The following RIMS2 variants were observed in gnomAD, a reference collection of about 807,000 sequenced individuals.
The protein encoded by RIMS2 is regulating synaptic membrane exocytosis protein 2.
In RIMS2, 59 loss-of-function variants were observed where a neutral mutation model predicts 174.4. The observed-to-expected ratio is 0.34, with a 90% CI of 0.27 to 0.42. The LOEUF (loss-of-function observed/expected upper bound fraction) is 0.42, where lower values mean the gene tolerates loss of function less well. Ranked by LOEUF, RIMS2 falls within the 10% of genes least tolerant of loss-of-function variation. RIMS2 has a pLI of 1.00. For synonymous variants in RIMS2, 606 were observed against 572.5 expected (o/e 1.06, Z -0.84); for missense variants, 1,620 against 1,666.3 (o/e 0.97, Z 0.48).
exon 2 of RIMS2, chr8:103,697,175 C>T (rs372575949): frequency 1.1e-5 from 18 of 1,613,300 alleles, no homozygotes; most frequent in African/African-American, 4.0e-5. Flanking sequence ...AAGGGTGATG[C>T]GCCAACCTGT....
chr8:104,231,742 A>T (rs531026804), intron 19 of RIMS2, among the ~76,000 whole-genome samples: 1 of 152,286 alleles, frequency 6.6e-6, no homozygotes, highest in South Asian at 2.1e-4. Context: ...CTATTCCCTT[A>T]TACTCCCATT....
At chr8:104,253,600 T>C (rs1424936625), downstream of RIMS2, 2 of 152,186 alleles carry the variant, frequency 1.3e-5, no homozygotes, top group African/African-American at 4.8e-5. Context: ...GTTATTACCA[T>C]TGGGTGGAGC....
intron 1 of RIMS2, among the ~76,000 whole-genome samples, chr8:103,541,163 A>G (rs932724534): frequency 6.6e-6 from 1 of 152,206 alleles, no homozygotes; most frequent in Non-Finnish European, 1.5e-5. Flanking sequence ...GGGAGTTCCA[A>G]TCAGATTCAG....
chr8:103,681,375 C>T (rs1160990416), intron 1 of RIMS2, among the ~76,000 whole-genome samples: 1 of 151,990 alleles, frequency 6.6e-6, no homozygotes, highest in Non-Finnish European at 1.5e-5. Flanking sequence ...AAATGGCACA[C>T]ATGCCATATA....
intron 19 of RIMS2, among the ~76,000 whole-genome samples, chr8:104,193,205 ATG>A (rs2099006671): frequency 6.6e-6 from 1 of 151,850 alleles, no homozygotes. Context: ...TAACTCATAA[ATG>A]TGTTTGTGTA....
chr8:103,822,717 C>T (rs985820750), intron 3 of RIMS2, among the ~76,000 whole-genome samples: 7 of 151,854 alleles, frequency 4.6e-5, no homozygotes, highest in African/African-American at 1.7e-4. Flanking sequence ...TGTCTGCATC[C>T]TGCATAAACT....
At chr8:103,576,233 A>C (rs1405880022) in intron 1 of RIMS2, among the ~76,000 whole-genome samples, 1 of 152,238 alleles carries the variant, frequency 6.6e-6, no homozygotes, top group Non-Finnish European at 1.5e-5. Flanking sequence ...AACCAAGGCA[A>C]ACTTGGGTTT....
At chr8:103,755,759 T>C (rs1011239132) in intron 2 of RIMS2, among the ~76,000 whole-genome samples, 4 of 152,218 alleles carry the variant, frequency 2.6e-5, no homozygotes. Flanking sequence ...TCTCGTGATG[T>C]GTTTTTCAGC....
intron 15 of RIMS2, among the ~76,000 whole-genome samples, chr8:103,964,148 T>G (rs1351286745): frequency 2.6e-5 from 4 of 152,228 alleles, no homozygotes; most frequent in Non-Finnish European, 5.9e-5. Context: ...TGTGCAGGTT[T>G]TTGTGTGGAC....
intron 1 of RIMS2, among the ~76,000 whole-genome samples, chr8:103,673,028 A>C (rs1431034432): frequency 1.3e-5 from 2 of 152,184 alleles, no homozygotes; most frequent in Non-Finnish European, 2.9e-5. Flanking sequence ...TACAGGTCTC[A>C]TGTAAGTTTG....
At chr8:104,127,564 G>A (rs1005598943) in intron 19 of RIMS2, among the ~76,000 whole-genome samples, 1 of 152,136 alleles carries the variant, frequency 6.6e-6, no homozygotes, top group African/African-American at 2.4e-5. Context: ...TTACTGTCTT[G>A]TGTTAACATG....
chr8:104,223,872 A>G, intron 19 of RIMS2: 4 of 1,193,970 alleles, frequency 3.4e-6, no homozygotes, highest in Non-Finnish European at 4.8e-6. Context: ...CGGGGCAGAG[A>G]GAACTCCACG....
At chr8:104,061,530 C>T (rs931831726) in intron 19 of RIMS2, among the ~76,000 whole-genome samples, 3 of 151,444 alleles carry the variant, frequency 2.0e-5, no homozygotes, top group Non-Finnish European at 4.4e-5. Flanking sequence ...TTTATACATA[C>T]TTTCAATACC....
intron 19 of RIMS2, among the ~76,000 whole-genome samples, chr8:104,224,514 T>C (rs1185913780): frequency 6.6e-6 from 1 of 152,232 alleles, no homozygotes; most frequent in African/African-American, 2.4e-5. Flanking sequence ...AAAATGATAA[T>C]TGACTGGTAA....
At chr8:103,603,118 G>C (rs1451030640) in intron 1 of RIMS2, among the ~76,000 whole-genome samples, 3 of 150,074 alleles carry the variant, frequency 2.0e-5, no homozygotes, top group East Asian at 2.0e-4. Context: ...TCTAGCATTA[G>C]GTATATCTCC....
chr8:103,864,183 T>C (rs184798364), intron 3 of RIMS2, among the ~76,000 whole-genome samples: 15 of 151,990 alleles, frequency 9.9e-5, no homozygotes, highest in Admixed American at 9.8e-4. Flanking sequence ...CAGTTTCATT[T>C]AGTTCATCAT....
chr8:103,513,058 A>T (rs1827315967), intron 1 of RIMS2, among the ~76,000 whole-genome samples: 1 of 152,176 alleles, frequency 6.6e-6, no homozygotes, highest in Admixed American at 6.5e-5. Context: ...GCTGCTGTCC[A>T]GGTCATGTCA....
chr8:103,680,709 A>G (rs538646688), intron 1 of RIMS2, among the ~76,000 whole-genome samples: 3 of 152,046 alleles, frequency 2.0e-5, no homozygotes, highest in African/African-American at 7.2e-5. Flanking sequence ...ATGAATAGGC[A>G]GTTCATCGGA....
At chr8:104,054,161 A>G (rs1005620653) in intron 19 of RIMS2, among the ~76,000 whole-genome samples, 2 of 152,184 alleles carry the variant, frequency 1.3e-5, no homozygotes, top group East Asian at 3.8e-4. Flanking sequence ...ATCCTTCTTA[A>G]TCTGAGAGTA....
Sources: allele counts gnomAD v4.1 joint callset (sites outside exome capture counted in the v4.1 genomes callset), GRCh38; gene constraint gnomAD v4.1.1; transcripts MANE v1.5; gene names NCBI Gene and HGNC (gene_info 2026-07-23, HGNC 2026-07-21).